NDST3: variants seen among roughly 807,000 people sequenced by gnomAD.
NDST3 encodes the protein N-deacetylase and N-sulfotransferase 3, also known as bifunctional heparan sulfate N-deacetylase/N-sulfotransferase 3.
In NDST3, 58 loss-of-function variants were observed where a neutral mutation model predicts 96.1. The ratio of observed to expected loss-of-function variants is 0.60; its 90% confidence interval spans 0.49 to 0.75. The LOEUF (loss-of-function observed/expected upper bound fraction) is 0.75. Among genes scored for constraint, NDST3 ranks in the 30% least tolerant of loss-of-function variants. The pLI is 0.00. For synonymous variants in NDST3, 333 were observed against 359.7 expected, an observed-to-expected ratio of 0.93 and a Z score of 0.84; for missense variants, 788 against 1,034.2, an observed-to-expected ratio of 0.76 and a Z score of 3.27.
At chr4:118,100,479 T>A (rs1356204396) in intron 2 of NDST3, among the ~76,000 whole-genome samples, 4 of 152,056 alleles carry the variant, frequency 2.6e-5, no homozygotes, top group African/African-American at 9.7e-5. Flanking sequence ...TATCGTCCTG[T>A]CTCTGGAAAA....
Position 118,224,419 on chromosome 4 carries a change from T to C in NDST3, c.1540-72T>C, listed in dbSNP as rs1739739854. ...GACTACTTAAGGAAAAAAACTAGCA[T>C]GGCTGTGATTATACTGCCCTCTAGT... On this transcript the variant is annotated intron_variant, in intron 6 of 13. Transcript: ENST00000296499. 31 of 1,371,246 alleles carry C rather than the reference T, an allele frequency of 2.3e-5. No individual in the cohort carries two copies. The South Asian group carries it at 4.5e-4, about 20-fold the overall frequency. The allele number at this position is 1,371,246 out of a possible 1,614,324, so 84.9% of individuals were successfully genotyped here. A position where few individuals can be genotyped will look rare whatever the true frequency, so the allele number is the denominator to read the frequency against.
intron 2 of NDST3, among the ~76,000 whole-genome samples, chr4:118,067,729 T>C (rs1726709151): frequency 1.3e-5 from 2 of 152,016 alleles, no homozygotes; most frequent in African/African-American, 4.8e-5. Flanking sequence ...TGCTCCGTAC[T>C]TAGAAATTGA....
chr4:118,199,164 T>C (rs956455427), intron 6 of NDST3, among the ~76,000 whole-genome samples: 3 of 152,232 alleles, frequency 2.0e-5, no homozygotes, highest in Non-Finnish European at 4.4e-5. Flanking sequence ...TTTCTCTACA[T>C]ACTCTTTAAA....
intron 6 of NDST3, among the ~76,000 whole-genome samples, chr4:118,156,793 G>C (rs757727680): frequency 6.6e-6 from 1 of 152,134 alleles, no homozygotes; most frequent in Non-Finnish European, 1.5e-5. Context: ...TGATTGCTAA[G>C]ATATTCTGTT....
intron 5 of NDST3, 76 bp from the exon 6 acceptor site, chr4:118,143,480 T>G: frequency 6.7e-7 from 1 of 1,489,618 alleles, no homozygotes; most frequent in Non-Finnish European, 9.1e-7. Context: ...TCATCTTGTG[T>G]GAGCAAAAAG....
intron 2 of NDST3, among the ~76,000 whole-genome samples, chr4:118,098,124 A>G (rs189114157): frequency 9.2e-4 from 140 of 152,020 alleles, no homozygotes; most frequent in Non-Finnish European, 1.8e-4. Context: ...TACCTCTGCA[A>G]CTAAAAGGAA....
intron 3 of NDST3, among the ~76,000 whole-genome samples, chr4:118,114,450 T>C (rs1730889673): frequency 6.6e-6 from 1 of 152,230 alleles, no homozygotes; most frequent in African/African-American, 2.4e-5. Context: ...TCCTTGCTCA[T>C]ATTTCCTAAA....
intron 9 of NDST3, among the ~76,000 whole-genome samples, 194 bp downstream of exon 9, chr4:118,233,329 T>C (rs1463834520): frequency 1.3e-5 from 2 of 152,172 alleles, no homozygotes; most frequent in East Asian, 3.8e-4. Context: ...TAAAGAGACT[T>C]GTTATACCAA....
intron 6 of NDST3, among the ~76,000 whole-genome samples, chr4:118,184,537 A>G (rs1405722298): frequency 2.0e-5 from 3 of 151,146 alleles, no homozygotes; most frequent in Admixed American, 6.6e-5. Flanking sequence ...CAATTCCTCA[A>G]AATAAATCTC....
intron 4 of NDST3, among the ~76,000 whole-genome samples, chr4:118,137,377 T>C (rs1269680973): frequency 3.3e-5 from 5 of 152,088 alleles, no homozygotes; most frequent in African/African-American, 1.2e-4. Flanking sequence ...AGTCATTTTA[T>C]GTACAAGAGC....
At chr4:118,050,145 C>T (rs543275278) in intron 1 of NDST3, among the ~76,000 whole-genome samples, 2 of 152,220 alleles carry the variant, frequency 1.3e-5, no homozygotes, top group East Asian at 3.9e-4. Flanking sequence ...ATGATCATCT[C>T]AATAGATGCA....
At position 118,256,672 on chromosome 4, in the gene NDST3, T is replaced by C. The variant is rs1742141003; in HGVS notation, c.*960T>C. ...AAACAGGTTGACTTTTAAATGTGAA[T>C]AGCTATTTTTAATGCTCCCCAAAAC... On this transcript the variant is annotated 3_prime_UTR_variant, in exon 14 of 14. Transcript: ENST00000296499. The C allele has an allele frequency of 1.3e-5, 2 of 152,202 alleles. No homozygotes were observed. Among genetic ancestry groups the C allele is most frequent in the South Asian group, 4.1e-4 (2 of 4,830 alleles). 9.4% of individuals were successfully genotyped at this position (152,202 alleles called of 1,614,324 possible). A position where few individuals can be genotyped will look rare whatever the true frequency, so the allele number is the denominator to read the frequency against.
chr4:118,061,397 A>G (rs1725883499), intron 2 of NDST3, among the ~76,000 whole-genome samples: 1 of 152,142 alleles, frequency 6.6e-6, no homozygotes. Flanking sequence ...ATGATCACCA[A>G]TGATGTGCTA....
chr4:118,067,635 A>C lies in NDST3; in HGVS notation c.981+12744A>C, dbSNP rs546833892. 1.3e-4 allele frequency among the ~76,000 whole-genome samples: 20 copies of C among 152,282 alleles called. No homozygotes were observed. In the South Asian group the frequency reaches 4.1e-3, roughly 32 times the overall value. On this transcript the variant is annotated intron_variant, in intron 2 of 13. Transcript: ENST00000296499. Reference sequence around the variant, plus strand: ...GTTTACCTAAGTGGAATCTATCTTTAAGGATGCCAGTGGCAAGAGGCTGTT... The same window carrying C: ...GTTTACCTAAGTGGAATCTATCTTTCAGGATGCCAGTGGCAAGAGGCTGTT...
intron 2 of NDST3, among the ~76,000 whole-genome samples, chr4:118,085,229 T>C (rs1484172430): frequency 6.6e-6 from 1 of 152,120 alleles, no homozygotes; most frequent in Non-Finnish European, 1.5e-5. Flanking sequence ...AAATCTTTAT[T>C]GACAGTAGCA....
At chr4:118,228,345 T>C (rs946318843) in intron 8 of NDST3, among the ~76,000 whole-genome samples, 3 of 152,224 alleles carry the variant, frequency 2.0e-5, no homozygotes, top group South Asian at 2.1e-4. Flanking sequence ...TCAAGACTGA[T>C]AACATCCTGA....
intron 6 of NDST3, among the ~76,000 whole-genome samples, chr4:118,221,081 C>A (rs1238076725): frequency 6.6e-6 from 1 of 151,934 alleles, no homozygotes; most frequent in Non-Finnish European, 1.5e-5. Flanking sequence ...AAATCAGAAT[C>A]TCTGAGTATA....
intron 6 of NDST3, among the ~76,000 whole-genome samples, chr4:118,198,594 C>T (rs1737852965): frequency 6.6e-6 from 1 of 152,128 alleles, no homozygotes; most frequent in Non-Finnish European, 1.5e-5. Context: ...AGTTTACACA[C>T]CACATTTACA....
intron 6 of NDST3, among the ~76,000 whole-genome samples, chr4:118,157,093 A>T (rs934447287): frequency 2.0e-5 from 3 of 152,170 alleles, no homozygotes; most frequent in African/African-American, 7.2e-5. Context: ...TAGTTAAAAA[A>T]ATCTGTGGTA....
Sources: allele counts gnomAD v4.1 joint callset (sites outside exome capture counted in the v4.1 genomes callset), GRCh38; gene constraint gnomAD v4.1.1; transcripts MANE v1.5; gene names NCBI Gene and HGNC (gene_info 2026-07-23, HGNC 2026-07-21).